FAM149A: variants seen among roughly 807,000 people sequenced by gnomAD.
The protein encoded by FAM149A is protein FAM149A.
FAM149A carries 71 observed loss-of-function variants against 78.2 expected under a neutral mutation model. The observed-to-expected ratio is 0.91, with a 90% confidence interval of 0.75 to 1.11. FAM149A has a LOEUF of 1.11. FAM149A is among the 50% of genes least tolerant of loss of function. FAM149A has a pLI of 0.00. For synonymous variants in FAM149A, 446 were observed against 410.5 expected (o/e 1.09, Z -1.04); for missense variants, 1,036 against 971.0 (o/e 1.07, Z -0.89).
In FAM149A at chr4:186,169,850, A is replaced by C. The variant is rs888600512; in HGVS notation, c.2219-2064A>C. On this transcript the variant is annotated intron_variant, in intron 13 of 13. Transcript: ENST00000389354. ...AGTCATCTGCGCCTCACTGCCTCTT[A>C]ACTACTGACCCAAGACAAAAGAGCT... The C allele has an allele frequency of 4.0e-5, 39 of 985,446 alleles. No individual in the cohort carries two copies. In the African/African-American group the frequency reaches 6.4e-4, roughly 16 times the overall value. 61.0% of individuals were successfully genotyped at this position (985,446 alleles called of 1,614,324 possible).
intron 1 of FAM149A, among the ~76,000 whole-genome samples, chr4:186,136,706 T>C (rs1470637909): frequency 6.6e-6 from 1 of 152,234 alleles, no homozygotes; most frequent in Admixed American, 6.5e-5. Context: ...CCTGATAATC[T>C]GTGCCATGTA....
chr4:186,158,185 T>G, intron 8 of FAM149A: 2 of 1,280,180 alleles, frequency 1.6e-6, no homozygotes, highest in South Asian at 2.6e-5. Flanking sequence ...CCAGAGCCAC[T>G]CCAGCTGCTG....
chr4:186,167,585 T>C, intron 13 of FAM149A: 1 of 340,690 alleles, frequency 2.9e-6, no homozygotes, highest in Non-Finnish European at 5.7e-6. Context: ...TTTCATGCTC[T>C]ATTTCTAAGT....
At chr4:186,149,024 G>GTA (rs1733260945) in intron 1 of FAM149A, 149 bp from the exon 2 acceptor site, 1 of 342,514 alleles carries the variant, frequency 2.9e-6, no homozygotes, top group Non-Finnish European at 5.5e-6. Context: ...GTGTGTGTGT[G>GTA]TGTGTGTGCG....
chr4:186,166,203 G>T (rs1188033247), intron 11 of FAM149A, among the ~76,000 whole-genome samples: 3 of 152,128 alleles, frequency 2.0e-5, no homozygotes, highest in Non-Finnish European at 4.4e-5. Flanking sequence ...AAGGACCCCT[G>T]TTGTAGGAAC....
intron 3 of FAM149A, among the ~76,000 whole-genome samples, chr4:186,150,228 A>T (rs1467201941): frequency 2.0e-5 from 3 of 151,856 alleles, no homozygotes; most frequent in African/African-American, 7.3e-5. Context: ...TCAGGAGCTC[A>T]CTGGCTCCAG....
chr4:186,107,424 A>G (rs1009434341), intron 1 of FAM149A: 1 of 152,180 alleles, frequency 6.6e-6, no homozygotes, highest in African/African-American at 2.4e-5. Flanking sequence ...TTTTTAAATT[A>G]TTATTACTTT....
At chr4:186,166,405 CT>C (rs1156398237) in intron 11 of FAM149A, among the ~76,000 whole-genome samples, 1 of 152,154 alleles carries the variant, frequency 6.6e-6, no homozygotes, top group African/African-American at 2.4e-5. Flanking sequence ...AATCCCAGCA[CT>C]TTGGGAGGCT....
At chr4:186,110,631 G>A (rs1228318840) in intron 1 of FAM149A, among the ~76,000 whole-genome samples, 1 of 131,812 alleles carries the variant, frequency 7.6e-6, no homozygotes, top group Non-Finnish European at 1.6e-5. Flanking sequence ...ACCTATGAGT[G>A]AGAATATGCG....
In FAM149A at chr4:186,105,369, C is replaced by A; in HGVS notation, c.293C>A (p.Pro98His). 8.4e-7 allele frequency: 1 copy of A among 1,188,666 alleles called. No individual in the cohort carries two copies. Among genetic ancestry groups the A allele is most frequent in the Non-Finnish European group, 1.1e-6 (1 of 947,742 alleles). 73.6% of individuals were successfully genotyped at this position (1,188,666 alleles called of 1,614,324 possible). A position where few individuals can be genotyped will look rare whatever the true frequency, so the allele number is the denominator to read the frequency against. ...GCAGTGGGGACCCTGCTCTCTTGGC[C>A]CAGTAGCCCTAGAGCGGGTAAAGCC... The change falls in exon 1 of 14, where the codon CCC (proline) becomes CAC (histidine). Residue 98 changes from proline (P) to histidine (H), a missense_variant. Transcript: ENST00000389354.
chr4:186,171,353 C>T (rs542104886), intron 13 of FAM149A: 1 of 152,392 alleles, frequency 6.6e-6, no homozygotes, highest in African/African-American at 2.4e-5. Context: ...TCTATATCTG[C>T]AGAAGTGATC....
chr4:186,125,415 C>A, intron 1 of FAM149A: 1 of 843,456 alleles, frequency 1.2e-6, no homozygotes, highest in Non-Finnish European at 1.4e-6. Context: ...TAGGCAGCCC[C>A]ACAAACACAG....
intron 13 of FAM149A, 152 bp downstream of exon 13, chr4:186,167,414 C>T: frequency 2.7e-6 from 2 of 747,616 alleles, no homozygotes; most frequent in East Asian, 5.4e-5. Flanking sequence ...CCTCAGAAAC[C>T]TCGATCACAG....
rs1444620129 is a variant in FAM149A, at chr4:186,105,419, G to T, written c.343G>T (p.Gly115Cys). ...CCCGCCCCAGCCCCCCACTCCCTCC[G>T]GCGGGGGCTGCTCCCCTGCTCGCCT... Residue 115 changes from glycine to cysteine, a missense_variant, in exon 1 of 14, where the codon GGC (glycine) becomes TGC (cysteine). This residue lies in a region of FAM149A where 316 missense variants were observed against 241.9 expected (regional missense o/e 1.31). Transcript: ENST00000389354. 21 of 1,196,334 alleles carry T rather than the reference G, an allele frequency of 1.8e-5. No homozygotes were observed. Among genetic ancestry groups the T allele is most frequent in the Non-Finnish European group, 2.1e-5 (20 of 949,812 alleles). The allele number at this position is 1,196,334 out of a possible 1,614,324, so 74.1% of individuals were successfully genotyped here.
intron 1 of FAM149A, among the ~76,000 whole-genome samples, chr4:186,136,050 A>G (rs150733450): frequency 6.6e-6 from 1 of 152,364 alleles, no homozygotes; most frequent in East Asian, 1.9e-4. Context: ...GCATCTTAAT[A>G]TTTCAGTTAC....
At chr4:186,130,412 T>C (rs888659759) in intron 1 of FAM149A, among the ~76,000 whole-genome samples, 3 of 151,338 alleles carry the variant, frequency 2.0e-5, no homozygotes, top group Non-Finnish European at 2.9e-5. Flanking sequence ...TCTTACTCTG[T>C]CATCCAGACT....
At chr4:186,125,771 G>A in intron 1 of FAM149A, 4 of 985,360 alleles carry the variant, frequency 4.1e-6, no homozygotes, top group Non-Finnish European at 4.8e-6. Flanking sequence ...GAACAGAGAG[G>A]CCGTGGGCAA....
chr4:186,152,539 C>CTTTTTT (rs10718602), intron 4 of FAM149A, among the ~76,000 whole-genome samples: 142 of 88,272 alleles, frequency 1.6e-3, no homozygotes, highest in South Asian at 1.9e-3. Flanking sequence ...TTTCTTTTTG[C>CTTTTTT]TTTTTTTTTT....
At chr4:186,158,845 C>T (rs1579910481) in intron 8 of FAM149A, 1 of 987,396 alleles carries the variant, frequency 1.0e-6, no homozygotes, top group Non-Finnish European at 1.2e-6. Flanking sequence ...TGAGCGGTCT[C>T]AAGCTGTTCT....
Sources: gnomAD v4.1 joint callset for allele counts (sites outside exome capture counted in the v4.1 genomes callset) on GRCh38, gnomAD v4.1.1 for gene constraint, gnomAD v4.1.1 regional missense constraint, MANE v1.5 for transcripts, NCBI Gene and HGNC (gene_info 2026-07-23, HGNC 2026-07-21) for gene names.